The following NBEAL2 variants were observed in gnomAD, a reference collection of about 807,000 sequenced individuals.
The protein encoded by NBEAL2 is neurobeachin-like protein 2.
Under a neutral mutation model 299.8 loss-of-function variants are expected in NBEAL2, and 160 were observed. The ratio of observed to expected loss-of-function variants is 0.53; its 90% CI spans 0.47 to 0.61. The LOEUF (loss-of-function observed/expected upper bound fraction) is 0.61. NBEAL2 is among the 20% of genes least tolerant of loss of function. The pLI, the probability that NBEAL2 is intolerant of heterozygous loss-of-function variation, is 0.00. For synonymous variants in NBEAL2, 1,493 were observed against 1,542.3 expected (o/e 0.97, Z 0.75); for missense variants, 3,112 against 3,649.0 (o/e 0.85, Z 3.79).
In NBEAL2 at chr3:46,991,594, T is replaced by G. The variant is rs1250078220; in HGVS notation, c.831T>G (p.Leu277=). 12 of 1,601,108 alleles carry G rather than the reference T, an allele frequency of 7.5e-6. No homozygotes were observed. Among genetic ancestry groups the G allele is most frequent in the Non-Finnish European group, 1.0e-5 (12 of 1,179,822 alleles). Reference sequence around the variant, plus strand: ...GTGGCCCAGAGCTTCGTGCCCTGCTTGAGAGCTACTTCCATGTCCTTAATG... The same window carrying G: ...GTGGCCCAGAGCTTCGTGCCCTGCTGGAGAGCTACTTCCATGTCCTTAATG... ...PPRGPELRAL[L]ESYFHVLNAD... is the part of the protein sequence containing the mutation. Residue 277 remains leucine (L), a synonymous_variant, in exon 8 of 54, where the codon CTT becomes CTG. Transcript: ENST00000450053. The surrounding 1 kb of genome is among the most constrained non-coding windows in gnomAD (Gnocchi z 6.2).
Position 47,003,809 on chromosome 3 carries a change from T to C in NBEAL2, c.5721-7T>C, listed in dbSNP as rs1398130512. The C allele has an allele frequency of 6.3e-7, 1 of 1,591,074 alleles. No homozygotes were observed. The highest frequency in any genetic ancestry group is 1.3e-5 in the African/African-American group (1 of 74,378). On this transcript the variant is annotated splice_polypyrimidine_tract_variant and splice_region_variant and intron_variant, in intron 35 of 53. Transcript: ENST00000450053. This position sits in a 1 kb window ranked among gnomAD's most constrained non-coding sequence, Gnocchi z 7.0. ...CCTACAGCGTGAGGTGGGTTGCTGG[T>C]CTTTAGGATGGAGGCAGCAGAACTG...
At position 47,005,515 on chromosome 3, in the gene NBEAL2, A is replaced by T. The variant is rs1575624263; in HGVS notation, c.6587A>T (p.His2196Leu). The change falls in exon 41 of 54, where the codon CAC becomes CTC. Residue 2196 changes from histidine to leucine, a missense_variant. By Grantham distance (99) the His-to-Leu change is moderately conservative (BLOSUM62 -3). Around this residue, in one of 3 missense-constraint regions of NBEAL2, gnomAD observed 521 missense variants for 729.6 expected, o/e 0.71. Coordinates refer to ENST00000450053, the MANE Select transcript of NBEAL2 (RefSeq NM_015175.3). ...TTTGACTGCTCCGACCGGCAGTTCC[A>T]CTCGGTGGCGGCAGCCTGGCAGGCA... is the stretch of plus-strand genomic sequence containing the variant. ...GRFDCSDRQFHSVAAAWQARL... is the reference protein window; with the variant it reads ...GRFDCSDRQFLSVAAAWQARL... The T allele has an allele frequency of 6.2e-7, 1 of 1,609,662 alleles. No homozygotes were observed. Among genetic ancestry groups the T allele is most frequent in the East Asian group, 2.2e-5 (1 of 44,712 alleles).
At position 47,004,996 on chromosome 3, in the gene NBEAL2, G is replaced by T. The variant is rs759177857; in HGVS notation, c.6319G>T (p.Val2107Leu). 4 of 1,610,376 alleles carry T rather than the reference G, an allele frequency of 2.5e-6. No individual in the cohort carries two copies. In the African/African-American group the frequency reaches 5.3e-5, roughly 22 times the overall value. ...GTTCCCCTGGGTCCTGCAGGACTAC[G>T]TGTCCCCAACCCTGGACCTCAGCAA... ...PVFPWVLQDY[V>L]SPTLDLSNPA... Residue 2107 changes from valine to leucine, a missense_variant, in exon 39 of 54, where the codon GTG (valine) becomes TTG (leucine). By Grantham distance (32) the Val-to-Leu change is conservative. Coordinates refer to ENST00000450053, the MANE Select transcript of NBEAL2 (RefSeq NM_015175.3). The surrounding 1 kb of genome is among the most constrained non-coding windows in gnomAD (Gnocchi z 5.0).
chr3:46,980,652 C>A (rs950571317), intron 1 of NBEAL2, among the ~76,000 whole-genome samples: 3 of 152,118 alleles, frequency 2.0e-5, no homozygotes, highest in African/African-American at 7.2e-5. Flanking sequence ...CCTGAGCTCC[C>A]CACCCATCTC....
At chr3:46,992,641 GATGTGTGTAAGGCCTGGTGTGGTCTAGAA>G in intron 10 of NBEAL2, 86 bp downstream of exon 10, 1 of 1,310,378 alleles carries the variant, frequency 7.6e-7, no homozygotes, top group South Asian at 1.3e-5. Context: ...GAAATGAGCA[GATGTGTGTAAGGCCTGGTGTGGTCTAGAA>G]ATGGGTGTGG....
Position 46,998,823 on chromosome 3 carries a change from G to C in NBEAL2, c.3328G>C (p.Val1110Leu). ...GGTGCGGAGTCTCTCAGCAGATGAC[G>C]TGCAGGTCACGCAGACCATGCTGAG... ...FLVRSLSADD[V>L]QVTQTMLSFL... The change falls in exon 23 of 54, where the codon GTG becomes CTG. Residue 1110 changes from valine to leucine, a missense_variant. This residue lies in a region of NBEAL2 where 2,243 missense variants were observed against 2,538.1 expected (regional missense o/e 0.88). Transcript: ENST00000450053. The C allele has an allele frequency of 6.4e-7, 1 of 1,572,582 alleles. No homozygotes were observed. Among genetic ancestry groups the C allele is most frequent in the East Asian group, 2.4e-5 (1 of 42,516 alleles).
At position 46,982,634 on chromosome 3, in the gene NBEAL2, T is replaced by C. The variant is rs2035423477; in HGVS notation, c.51+2722T>C. The stretch of plus-strand genomic sequence containing the variant: ...GACCTCACATGCAGTAGGTGCTCCT[T>C]GGGTATTAGCTGAATGACTGGATAG... On this transcript the variant is annotated intron_variant, in intron 1 of 53. Transcript: ENST00000450053. The surrounding 1 kb of genome is among the most constrained non-coding windows in gnomAD (Gnocchi z 4.2). Among the ~76,000 whole-genome samples, 1 of 152,136 alleles carries C rather than the reference T, an allele frequency of 6.6e-6. No individual in the cohort carries two copies. The highest frequency in any genetic ancestry group is 1.5e-5 in the Non-Finnish European group (1 of 68,014).
At position 47,001,936 on chromosome 3, in the gene NBEAL2, A is replaced by G; in HGVS notation, c.4799A>G (p.Tyr1600Cys). 1.2e-6 allele frequency: 2 copies of G among 1,604,786 alleles called. No individual in the cohort carries two copies. The highest frequency in any genetic ancestry group is 1.7e-6 in the Non-Finnish European group (2 of 1,173,718). The change falls in exon 31 of 54, where the codon TAC becomes TGC. Residue 1600 changes from tyrosine (Y) to cysteine (C), a missense_variant. Physicochemically the swap from Tyr to Cys is radical, Grantham distance 194. Around this residue, in one of 3 missense-constraint regions of NBEAL2, gnomAD observed 2,243 missense variants for 2,538.1 expected, o/e 0.88. Coordinates refer to ENST00000450053, the MANE Select transcript of NBEAL2 (RefSeq NM_015175.3). This position sits in a 1 kb window ranked among gnomAD's most constrained non-coding sequence, Gnocchi z 6.1. Reference protein sequence around the residue: ...LEDPQLHAQAYVRLHMLLQTA... With the variant: ...LEDPQLHAQACVRLHMLLQTA... ...CGCCCACAGCTGCATGCCCAGGCCT[A>G]CGTGAGATTGCACATGCTGCTACAG...
At position 47,003,289 on chromosome 3, in the gene NBEAL2, G is replaced by C; in HGVS notation, c.5700G>C (p.Glu1900Asp). 6.2e-7 allele frequency: 1 copy of C among 1,612,756 alleles called. No individual in the cohort carries two copies. The highest frequency in any genetic ancestry group is 8.5e-7 in the Non-Finnish European group (1 of 1,179,770). The change falls in exon 35 of 54, where the codon GAG becomes GAC. Residue 1900 changes from glutamate (E) to aspartate (D), a missense_variant. Glu to Asp is a conservative substitution (Grantham distance 45). This residue lies in a region of NBEAL2 where 2,243 missense variants were observed against 2,538.1 expected (regional missense o/e 0.88). Coordinates refer to ENST00000450053, the MANE Select transcript of NBEAL2 (RefSeq NM_015175.3). The surrounding 1 kb of genome is among the most constrained non-coding windows in gnomAD (Gnocchi z 7.0). ...LLQEDQLGED[E>D]LAELETPMEA... ...AGGAGGACCAGCTCGGCGAGGACGA[G>C]CTGGCTGAGCTGGAGACCCCGTGAG...
chr3:46,995,717 C>T lies in NBEAL2; in HGVS notation c.1902C>T (p.Phe634=). Residue 634 remains phenylalanine, a synonymous_variant, in exon 14 of 54, where the codon TTC becomes TTT. Coordinates refer to ENST00000450053, the MANE Select transcript of NBEAL2 (RefSeq NM_015175.3). ...TAACTGGCTTGCCTGCCCCCAGCTT[C>T]TTTACCAGCAGCGGCTCAGGGTTTG... ...RPLQRKQLYS[F]FTSSGSGFEA... is the part of the protein sequence containing the mutation. The T allele has an allele frequency of 6.2e-7, 1 of 1,613,462 alleles. No homozygotes were observed. Among genetic ancestry groups the T allele is most frequent in the Non-Finnish European group, 8.5e-7 (1 of 1,179,698 alleles).
At chr3:46,999,247 C>T in intron 24 of NBEAL2, 68 bp from the exon 25 acceptor site, 1 of 1,556,956 alleles carries the variant, frequency 6.4e-7, no homozygotes. Flanking sequence ...CACACACCTG[C>T]ACGGTGACTT....
At position 47,002,147 on chromosome 3, in the gene NBEAL2, G is replaced by T. The variant is rs1559611313; in HGVS notation, c.5010G>T (p.Thr1670=). 6.5e-7 allele frequency: 1 copy of T among 1,543,798 alleles called. No individual in the cohort carries two copies. Among genetic ancestry groups the T allele is most frequent in the Non-Finnish European group, 8.8e-7 (1 of 1,142,620 alleles). The change falls in exon 31 of 54, where the codon ACG becomes ACT. Residue 1670 remains threonine, a synonymous_variant. Coordinates refer to ENST00000450053, the MANE Select transcript of NBEAL2 (RefSeq NM_015175.3). ...RCSWLVPLVR[T]LLDRAYEPLG... is the part of the protein sequence containing the mutation. ...CCTGGCTGGTGCCACTGGTGCGCAC[G>T]CTGCTAGACCGTGCCTATGAGCCGC...
rs778601918 is a variant in NBEAL2, at chr3:47,007,585, G to A, written c.7395G>A (p.Leu2465=). 43 of 1,612,516 alleles carry A rather than the reference G, an allele frequency of 2.7e-5. No individual in the cohort carries two copies. The highest frequency in any genetic ancestry group is 3.6e-5 in the Non-Finnish European group (43 of 1,179,646). Residue 2465 remains leucine (L), a synonymous_variant, in exon 48 of 54, where the codon CTG becomes CTA. Coordinates refer to ENST00000450053, the MANE Select transcript of NBEAL2 (RefSeq NM_015175.3). ...VPGSGVSGQA[L]AVAPDGKLLF... ...GCAGTGGTGTGAGTGGACAAGCACT[G>A]GCAGTGGCCCCGGATGGAAAGCTGC... is the stretch of plus-strand genomic sequence containing the variant.
Position 47,000,029 on chromosome 3 carries a change from T to A in NBEAL2, c.3930T>A (p.Pro1310=), listed in dbSNP as rs1163988697. The A allele has an allele frequency of 1.9e-6, 3 of 1,612,082 alleles. No individual in the cohort carries two copies. In the African/African-American group the frequency reaches 4.0e-5, roughly 22 times the overall value. Reference sequence around the variant, plus strand: ...CCCCTCCGTCTTCCCCAGAGTCACCTACCTCCCCCAAGCCAGCCCCACCCA... The same window carrying A: ...CCCCTCCGTCTTCCCCAGAGTCACCAACCTCCCCCAAGCCAGCCCCACCCA... ...GSPPPSSPES[P]TSPKPAPPKP... is the part of the protein sequence containing the mutation. Residue 1310 remains proline (P), a synonymous_variant, in exon 27 of 54, where the codon CCT becomes CCA. Transcript: ENST00000450053. This position sits in a 1 kb window ranked among gnomAD's most constrained non-coding sequence, Gnocchi z 4.5.
At position 46,997,546 on chromosome 3, in the gene NBEAL2, C is replaced by T; in HGVS notation, c.2825-15C>T. On this transcript the variant is annotated splice_polypyrimidine_tract_variant and intron_variant, in intron 19 of 53. Coordinates refer to ENST00000450053, the MANE Select transcript of NBEAL2 (RefSeq NM_015175.3). ...GCCCTTGACACACATCTGTCCCCTT[C>T]CTGATGGCTGGCAGAGGAACGGATG... 6.3e-7 allele frequency: 1 copy of T among 1,586,150 alleles called. No individual in the cohort carries two copies. The highest frequency in any genetic ancestry group is 2.3e-5 in the East Asian group (1 of 44,298).
At chr3:46,994,221 C>T (rs1368737399) in intron 11 of NBEAL2, among the ~76,000 whole-genome samples, 1 of 152,208 alleles carries the variant, frequency 6.6e-6, no homozygotes. Flanking sequence ...TCTTCTCTGT[C>T]AGGGCTGGAT....
Position 47,005,022 on chromosome 3 carries a change from C to A in NBEAL2, c.6345C>A (p.Asn2115Lys). ...TGTCCCCAACCCTGGACCTCAGCAA[C>A]CCAGCCGTCTTCCGGGACCTGTCTA... is the stretch of plus-strand genomic sequence containing the variant. ...DYVSPTLDLS[N>K]PAVFRDLSKP... is the part of the protein sequence containing the mutation. Residue 2115 changes from asparagine (N) to lysine (K), a missense_variant, in exon 39 of 54, where the codon AAC (asparagine) becomes AAA (lysine). Asn to Lys is a moderately conservative substitution (Grantham distance 94). Around this residue, in one of 3 missense-constraint regions of NBEAL2, gnomAD observed 521 missense variants for 729.6 expected, o/e 0.71. Coordinates refer to ENST00000450053, the MANE Select transcript of NBEAL2 (RefSeq NM_015175.3). 6.2e-7 allele frequency: 1 copy of A among 1,612,748 alleles called. No homozygotes were observed. Among genetic ancestry groups the A allele is most frequent in the Non-Finnish European group, 8.5e-7 (1 of 1,179,432 alleles).
At chr3:47,008,723 G>A (rs945939814) in intron 52 of NBEAL2, 55 bp downstream of exon 52, 27 of 1,603,678 alleles carry the variant, frequency 1.7e-5, no homozygotes, top group Non-Finnish European at 2.2e-5. Context: ...CATTGGTGTA[G>A]GATAAAGGCC....
Position 47,007,516 on chromosome 3 carries a change from C to A in NBEAL2, c.7335-9C>A. On this transcript the variant is annotated splice_polypyrimidine_tract_variant and intron_variant, in intron 47 of 53. Coordinates refer to ENST00000450053, the MANE Select transcript of NBEAL2 (RefSeq NM_015175.3). ...CTGGCCTCACTTGCTATCCCCCTCA[C>A]TGGGTCAGGACGCAGCGACTGCTGA... 2 of 1,606,982 alleles carry A rather than the reference C, an allele frequency of 1.2e-6. No homozygotes were observed. Among genetic ancestry groups the A allele is most frequent in the Middle Eastern group, 1.7e-4 (1 of 6,050 alleles).
Sources: allele counts gnomAD v4.1 joint callset (sites outside exome capture counted in the v4.1 genomes callset), GRCh38; gene constraint gnomAD v4.1.1; regional missense constraint gnomAD v4.1.1; non-coding constraint Gnocchi (gnomAD v3.1); transcripts MANE v1.5; gene names NCBI Gene and HGNC (gene_info 2026-07-23, HGNC 2026-07-21).